Variants in RIMKLB observed in about 807,000 individuals in gnomAD.
RIMKLB encodes ribosomal modification protein rimK like family member B.
Under a neutral mutation model 32.0 loss-of-function variants are expected in RIMKLB, and 7 were observed. The observed-to-expected ratio is 0.22, with a 90% confidence interval of 0.12 to 0.41. The LOEUF is 0.41. Among genes scored for constraint, RIMKLB ranks in the 10% least tolerant of loss-of-function variants. The pLI is 1.00. For missense variants in RIMKLB, 289 were observed against 498.7 expected (o/e 0.58, Z 4.00); for synonymous variants, 172 against 185.1 (o/e 0.93, Z 0.57).
At chr12:8,717,475 G>A (rs763532077) in intron 2 of RIMKLB, among the ~76,000 whole-genome samples, 24 of 151,114 alleles carry the variant, frequency 1.6e-4, no homozygotes, top group Non-Finnish European at 2.5e-4. Context: ...GTCAGTGTAT[G>A]TAAAACTGCT....
At chr12:8,760,191 G>A (rs889263632) in intron 5 of RIMKLB, among the ~76,000 whole-genome samples, 27 of 151,994 alleles carry the variant, frequency 1.8e-4, no homozygotes, top group African/African-American at 5.3e-4. Flanking sequence ...AAGAACATGC[G>A]GTGTTTGGTT....
intron 5 of RIMKLB, among the ~76,000 whole-genome samples, chr12:8,764,192 C>T (rs1299306757): frequency 1.3e-5 from 2 of 152,084 alleles, no homozygotes; most frequent in Non-Finnish European, 2.9e-5. Context: ...GGCCTCGGGT[C>T]TAAGGGGGTA....
intron 2 of RIMKLB, among the ~76,000 whole-genome samples, chr12:8,749,274 T>TATCTCTGGTCACTGCAACCTCCACC (rs980813790): frequency 2.0e-5 from 3 of 151,642 alleles, no homozygotes; most frequent in Non-Finnish European, 2.9e-5. Context: ...GCAGTGGCAC[T>TATCTCTGGTCACTGCAACCTCCACC]ATCTCTGGTC....
intron 1 of RIMKLB, among the ~76,000 whole-genome samples, chr12:8,688,246 T>C (rs149518453): frequency 8.5e-5 from 13 of 152,318 alleles, no homozygotes; most frequent in African/African-American, 3.1e-4. Context: ...TTGTGTGGTA[T>C]GTGTGGCTTT....
chr12:8,691,774 A>C (rs1310996631), intron 1 of RIMKLB, among the ~76,000 whole-genome samples: 1 of 152,242 alleles, frequency 6.6e-6, no homozygotes, highest in Admixed American at 6.5e-5. Flanking sequence ...AAAAAACAGC[A>C]AGGCAGATCA....
At chr12:8,782,807 T>C (rs890243348) in intron 7 of RIMKLB, 3 of 152,202 alleles carry the variant, frequency 2.0e-5, no homozygotes, top group African/African-American at 7.2e-5. Context: ...GAATGTTTTA[T>C]TGTCATGTTA....
chr12:8,719,142 A>G (rs928897794), intron 2 of RIMKLB, among the ~76,000 whole-genome samples: 4 of 152,052 alleles, frequency 2.6e-5, no homozygotes, highest in African/African-American at 9.7e-5. Flanking sequence ...AGAATGTTAT[A>G]GTTGGCACTG....
At chr12:8,673,257 G>A in the RIMKLB span, among the ~76,000 whole-genome samples, 19 of 152,040 alleles carry the variant, frequency 1.2e-4, no homozygotes, top group Non-Finnish European at 2.6e-4. Flanking sequence ...AGCAGTGACA[G>A]GTAGAGGTAC....
At chr12:8,704,382 C>CA (rs536532279) in intron 1 of RIMKLB, among the ~76,000 whole-genome samples, 1,762 of 126,430 alleles carry the variant, frequency 0.014, 20 homozygotes, top group Middle Eastern at 0.034. Context: ...GACCCTGTCT[C>CA]AAAAAAAAAA....
At chr12:8,773,011 C>A (rs775490890) in intron 5 of RIMKLB, among the ~76,000 whole-genome samples, 3 of 151,848 alleles carry the variant, frequency 2.0e-5, no homozygotes, top group Non-Finnish European at 4.4e-5. Flanking sequence ...ACCAATAATA[C>A]TTTTGCCATC....
intron 1 of RIMKLB, among the ~76,000 whole-genome samples, chr12:8,710,389 C>T (rs1173831154): frequency 6.7e-6 from 1 of 149,784 alleles, no homozygotes; most frequent in Non-Finnish European, 1.5e-5. Context: ...CTCACTACAA[C>T]CTCCGCCTCC....
At chr12:8,757,550 C>T (rs1419151846) in intron 5 of RIMKLB, among the ~76,000 whole-genome samples, 2 of 151,650 alleles carry the variant, frequency 1.3e-5, no homozygotes, top group Admixed American at 6.6e-5. Context: ...CACCCATTAA[C>T]CAGCTTTAGA....
chr12:8,742,735 T>C (rs12314822), intron 2 of RIMKLB: 11,682 of 230,478 alleles, frequency 0.051, 1,528 homozygotes, highest in African/African-American at 0.24. Flanking sequence ...CTGTTGCTGG[T>C]TGCTTGACTC....
At chr12:8,707,728 A>G (rs777119296) in intron 1 of RIMKLB, among the ~76,000 whole-genome samples, 25 of 152,332 alleles carry the variant, frequency 1.6e-4, no homozygotes, top group Admixed American at 3.3e-4. Context: ...AATTATTAGC[A>G]TACAGAAAGA....
intron 5 of RIMKLB, among the ~76,000 whole-genome samples, chr12:8,767,092 C>T (rs980845188): frequency 6.6e-6 from 1 of 152,210 alleles, no homozygotes; most frequent in Non-Finnish European, 1.5e-5. Context: ...ACCCTGACAA[C>T]AAGGTAGTAT....
intron 5 of RIMKLB, among the ~76,000 whole-genome samples, chr12:8,770,450 C>G (rs1271091304): frequency 1.3e-5 from 2 of 152,142 alleles, no homozygotes; most frequent in Admixed American, 6.6e-5. Flanking sequence ...CCCAGGCAGT[C>G]TGTCTTTATC....
At chr12:8,676,380 A>G in the RIMKLB span, among the ~76,000 whole-genome samples, 1 of 99,890 alleles carries the variant, frequency 1.0e-5, no homozygotes, top group African/African-American at 3.7e-5. Context: ...AACCCCCAAC[A>G]GCTTTTTTTT....
At chr12:8,681,435 G>C (rs987526578), upstream of RIMKLB, among the ~76,000 whole-genome samples, 2 of 152,198 alleles carry the variant, frequency 1.3e-5, no homozygotes, top group Non-Finnish European at 1.5e-5. Flanking sequence ...TGAGTGATAA[G>C]AGTGTCTTTT....
intron 2 of RIMKLB, among the ~76,000 whole-genome samples, chr12:8,715,298 C>T (rs1405723378): frequency 6.7e-6 from 1 of 148,274 alleles, no homozygotes; most frequent in Non-Finnish European, 1.5e-5. Flanking sequence ...TATCTCAGCT[C>T]ACTGCAACCT....
Sources: gnomAD v4.1 joint callset for allele counts (sites outside exome capture counted in the v4.1 genomes callset) on GRCh38, gnomAD v4.1.1 for gene constraint, MANE v1.5 for transcripts, NCBI Gene and HGNC (gene_info 2026-07-23, HGNC 2026-07-21) for gene names.